The following LRMDA variants were observed in gnomAD, a reference collection of about 807,000 sequenced individuals.
LRMDA encodes leucine-rich melanocyte differentiation-associated protein.
In LRMDA, 18 loss-of-function variants were observed where a neutral mutation model predicts 29.8. The observed-to-expected ratio is 0.60, with a 90% CI of 0.42 to 0.90. The LOEUF (loss-of-function observed/expected upper bound fraction) is 0.90, where lower values mean the gene tolerates loss of function less well. Among genes scored for constraint, LRMDA ranks in the 40% least tolerant of loss-of-function variants. LRMDA has a pLI of 0.00. For missense variants in LRMDA, 273 were observed against 273.9 expected, an observed-to-expected ratio of 1.00 and a Z score of 0.02; for synonymous variants, 125 against 109.4, an observed-to-expected ratio of 1.14 and a Z score of -0.89.
intron 5 of LRMDA, among the ~76,000 whole-genome samples, chr10:76,083,860 G>A (rs1015163471): frequency 2.0e-5 from 3 of 149,604 alleles, no homozygotes; most frequent in Non-Finnish European, 4.4e-5. Flanking sequence ...AGGGGCTCTA[G>A]TGCATCTTGT....
At chr10:75,936,104 A>C (rs1371919050) in intron 2 of LRMDA, among the ~76,000 whole-genome samples, 1 of 152,046 alleles carries the variant, frequency 6.6e-6, no homozygotes, top group Non-Finnish European at 1.5e-5. Flanking sequence ...TCCTTGTTTT[A>C]TATTTATCAT....
At chr10:76,511,328 T>G (rs149376707) in intron 6 of LRMDA, among the ~76,000 whole-genome samples, 1,930 of 152,174 alleles carry the variant, frequency 0.013, 39 homozygotes, top group African/African-American at 0.044. Context: ...TTACGTGGTT[T>G]GACTTCTATG....
intron 2 of LRMDA, among the ~76,000 whole-genome samples, chr10:75,956,289 G>T (rs1436873985): frequency 6.6e-6 from 1 of 152,200 alleles, no homozygotes; most frequent in Non-Finnish European, 1.5e-5. Flanking sequence ...AGAGGGTTTT[G>T]TTTTGTTTAG....
In LRMDA at chr10:75,924,071, T is replaced by C. The variant is rs190708180; in HGVS notation, c.132-111937T>C. The stretch of plus-strand genomic sequence containing the variant: ...GTTAGTTGGCACGCTGACATTTTCA[T>C]ATGTGTCTCAGCTAATGCCTCAAAA... On this transcript the variant is annotated intron_variant, in intron 2 of 6. Coordinates refer to ENST00000611255, the MANE Select transcript of LRMDA (RefSeq NM_001305581.2). Among the ~76,000 whole-genome samples the C allele has an allele frequency of 4.5e-4, 68 of 152,004 alleles. No homozygotes were observed. In the South Asian group the frequency reaches 5.6e-3, roughly 12 times the overall value.
chr10:75,897,313 C>G (rs138570466), intron 2 of LRMDA, among the ~76,000 whole-genome samples: 1 of 152,274 alleles, frequency 6.6e-6, no homozygotes, highest in Non-Finnish European at 1.5e-5. Flanking sequence ...TAATTAGGCC[C>G]TTAACATTAC....
At chr10:75,922,401 G>T (rs1346139126) in intron 2 of LRMDA, among the ~76,000 whole-genome samples, 1 of 152,174 alleles carries the variant, frequency 6.6e-6, no homozygotes, top group African/African-American at 2.4e-5. Flanking sequence ...GAACTGGTTG[G>T]TTGAGTGTCA....
chr10:75,446,931 C>T (rs909261175), intron 2 of LRMDA, among the ~76,000 whole-genome samples: 3 of 152,154 alleles, frequency 2.0e-5, no homozygotes, highest in African/African-American at 7.2e-5. Context: ...GGCTTTGCAG[C>T]CAAGGGCCTT....
At chr10:75,989,879 G>A (rs1847335387) in intron 2 of LRMDA, among the ~76,000 whole-genome samples, 1 of 152,158 alleles carries the variant, frequency 6.6e-6, no homozygotes, top group African/African-American at 2.4e-5. Flanking sequence ...GCAGCTGCAG[G>A]TGACCCCAGT....
intron 2 of LRMDA, among the ~76,000 whole-genome samples, chr10:75,455,421 C>G (rs1844504031): frequency 6.6e-6 from 1 of 152,198 alleles, no homozygotes; most frequent in Admixed American, 6.5e-5. Flanking sequence ...AGCTCACATG[C>G]TCAATGTGGA....
chr10:76,310,269 T>G, intron 5 of LRMDA, among the ~76,000 whole-genome samples: 1 of 152,188 alleles, frequency 6.6e-6, no homozygotes, highest in Admixed American at 6.5e-5. Flanking sequence ...AAGTTGGAAT[T>G]GGCCAGGCTC....
chr10:75,980,163 C>G (rs1847141393), intron 2 of LRMDA, among the ~76,000 whole-genome samples: 1 of 152,168 alleles, frequency 6.6e-6, no homozygotes, highest in South Asian at 2.1e-4. Flanking sequence ...AGATTAAAGG[C>G]AGCAAACAGT....
intron 2 of LRMDA, among the ~76,000 whole-genome samples, chr10:75,468,687 G>C: frequency 6.6e-6 from 1 of 152,226 alleles, no homozygotes; most frequent in East Asian, 1.9e-4. Flanking sequence ...TTTGCGGGGG[G>C]CTGTCGGGCA....
intron 5 of LRMDA, among the ~76,000 whole-genome samples, chr10:76,259,975 G>A (rs1315341570): frequency 6.6e-6 from 1 of 151,778 alleles, no homozygotes; most frequent in Non-Finnish European, 1.5e-5. Context: ...GTCTTTACAT[G>A]TGAGGTGAGT....
intron 2 of LRMDA, among the ~76,000 whole-genome samples, chr10:75,758,918 G>A (rs1377245559): frequency 6.6e-6 from 1 of 151,842 alleles, no homozygotes; most frequent in Non-Finnish European, 1.5e-5. Flanking sequence ...ATTGCCAGGG[G>A]TGGGACATAG....
intron 5 of LRMDA, among the ~76,000 whole-genome samples, chr10:76,135,321 T>C (rs1025134091): frequency 6.6e-6 from 1 of 152,204 alleles, no homozygotes; most frequent in African/African-American, 2.4e-5. Context: ...AATGGAGGCA[T>C]GTGGTCCCTT....
intron 3 of LRMDA, among the ~76,000 whole-genome samples, chr10:76,039,156 C>A (rs1000476249): frequency 1.3e-5 from 2 of 152,172 alleles, no homozygotes; most frequent in African/African-American, 2.4e-5. Flanking sequence ...AAGTCACATA[C>A]CAACTGTAGA....
At chr10:76,326,043 C>G (rs1474779140) in intron 6 of LRMDA, among the ~76,000 whole-genome samples, 1 of 152,154 alleles carries the variant, frequency 6.6e-6, no homozygotes, top group Non-Finnish European at 1.5e-5. Flanking sequence ...AGAGCCAACA[C>G]AGACATCTCA....
At chr10:75,984,020 G>A (rs539872917) in intron 2 of LRMDA, among the ~76,000 whole-genome samples, 2 of 152,268 alleles carry the variant, frequency 1.3e-5, no homozygotes, top group African/African-American at 4.8e-5. Flanking sequence ...CATGCAGGGA[G>A]CCGGCCAGGC....
rs565823275 is a variant in LRMDA at position 75,531,935 on chromosome 10, A to G, written c.131+93441A>G. ...TTGGTGTGCACCTGTAGTCCTAGCA[A>G]CTCAAGAGGCAGAGGTGGGAGGATC... On this transcript the variant is annotated intron_variant, in intron 2 of 6. Transcript: ENST00000611255. Among the ~76,000 whole-genome samples, 14 of 151,632 alleles carry G rather than the reference A, an allele frequency of 9.2e-5. No homozygotes were observed. The South Asian group carries it at 2.7e-3, about 29-fold the overall frequency.
Sources: gnomAD v4.1 joint callset for allele counts (sites outside exome capture counted in the v4.1 genomes callset) on GRCh38, gnomAD v4.1.1 for gene constraint, MANE v1.5 for transcripts, NCBI Gene and HGNC (gene_info 2026-07-23, HGNC 2026-07-21) for gene names.